Variants in VWA8 observed in about 807,000 individuals in gnomAD.
VWA8 encodes von Willebrand factor A domain-containing protein 8.
In VWA8, 221 loss-of-function variants were observed where a neutral mutation model predicts 241.5. The observed-to-expected ratio is 0.91, with a 90% CI of 0.82 to 1.02. The LOEUF (loss-of-function observed/expected upper bound fraction) is 1.02, where lower values mean the gene tolerates loss of function less well. Ranked by LOEUF, VWA8 falls within the 50% of genes least tolerant of loss-of-function variation. The pLI is 0.00. For missense variants in VWA8, 2,322 were observed against 2,328.7 expected (o/e 1.00, Z 0.06); for synonymous variants, 852 against 827.1 (o/e 1.03, Z -0.52).
chr13:41,936,534 G>C (rs1409103993), intron 2 of VWA8, among the ~76,000 whole-genome samples: 1 of 152,070 alleles, frequency 6.6e-6, no homozygotes, highest in Non-Finnish European at 1.5e-5. Context: ...CTTTAATGGT[G>C]ACTAAATTGC....
At chr13:41,891,616 G>A in intron 4 of VWA8, 29 bp from the exon 5 acceptor site, 2 of 1,611,936 alleles carry the variant, frequency 1.2e-6, no homozygotes, top group East Asian at 2.2e-5. Context: ...AAAGCAAAAT[G>A]AGAATACTGA....
At chr13:41,653,037 T>C (rs2044879185) in intron 37 of VWA8, among the ~76,000 whole-genome samples, 1 of 152,170 alleles carries the variant, frequency 6.6e-6, no homozygotes, top group Admixed American at 6.5e-5. Flanking sequence ...AATGGTTAAA[T>C]GTAACAAGAT....
chr13:41,671,574 A>C (rs1446217260), intron 36 of VWA8, among the ~76,000 whole-genome samples: 1 of 151,722 alleles, frequency 6.6e-6, no homozygotes, highest in East Asian at 1.9e-4. Context: ...CATATGTTGA[A>C]GCCCTAACCC....
At chr13:41,842,027 G>A (rs1872080233) in intron 12 of VWA8, among the ~76,000 whole-genome samples, 1 of 150,974 alleles carries the variant, frequency 6.6e-6, no homozygotes, top group South Asian at 2.1e-4. Flanking sequence ...CATACCAGTA[G>A]TATAAACAAG....
intron 21 of VWA8, among the ~76,000 whole-genome samples, chr13:41,747,293 C>A (rs1253735867): frequency 1.3e-5 from 2 of 152,164 alleles, no homozygotes; most frequent in Non-Finnish European, 2.9e-5. Flanking sequence ...GTTTGTCGTT[C>A]TCCTTGAAGA....
intron 2 of VWA8, among the ~76,000 whole-genome samples, chr13:41,912,696 G>A (rs1443518995): frequency 6.6e-6 from 1 of 152,120 alleles, no homozygotes; most frequent in Non-Finnish European, 1.5e-5. Context: ...TAAGATCATG[G>A]TTAGAAAATT....
intron 37 of VWA8, among the ~76,000 whole-genome samples, chr13:41,618,219 T>A (rs1478546381): frequency 6.6e-6 from 1 of 152,256 alleles, no homozygotes; most frequent in Admixed American, 6.5e-5. Flanking sequence ...TGCATTTCTC[T>A]GATGATCAGT....
intron 9 of VWA8, among the ~76,000 whole-genome samples, chr13:41,878,651 C>T (rs1874017141): frequency 6.6e-6 from 1 of 152,074 alleles, no homozygotes; most frequent in African/African-American, 2.4e-5. Flanking sequence ...TTATCTAATA[C>T]CAATCCCTTT....
At chr13:41,655,738 C>T (rs574222088) in intron 37 of VWA8, among the ~76,000 whole-genome samples, 1 of 152,146 alleles carries the variant, frequency 6.6e-6, no homozygotes, top group Non-Finnish European at 1.5e-5. Flanking sequence ...GTTGAAGAAT[C>T]AAGACCTGTC....
intron 37 of VWA8, among the ~76,000 whole-genome samples, chr13:41,618,139 G>C (rs1276327799): frequency 6.6e-6 from 1 of 152,142 alleles, no homozygotes; most frequent in East Asian, 1.9e-4. Flanking sequence ...TCCAGCACCT[G>C]TTGTTTCCTG....
intron 12 of VWA8, among the ~76,000 whole-genome samples, chr13:41,834,270 A>G (rs1871618454): frequency 6.6e-6 from 1 of 152,200 alleles, no homozygotes; most frequent in South Asian, 2.1e-4. Context: ...TAATATGAAC[A>G]ATTTTTTCTT....
chr13:41,732,293 C>T (rs1438310231), intron 21 of VWA8, 138 bp from the exon 22 acceptor site: 8 of 631,322 alleles, frequency 1.3e-5, no homozygotes, highest in Non-Finnish European at 2.1e-5. Flanking sequence ...CAAAAAAAAA[C>T]AGCAAGTGAA....
In VWA8 at chr13:41,912,103, C is replaced by A. The variant is rs750745493; in HGVS notation, c.307G>T (p.Gly103Trp). The change falls in exon 3 of 45, where the codon GGG (glycine) becomes TGG (tryptophan). Residue 103 changes from glycine (G) to tryptophan (W), a missense_variant. Physicochemically the swap from Gly to Trp is radical, Grantham distance 184. Transcript: ENST00000379310. ...GGTCCTATTAGAAAAACATCTTGCC[C>A]CAAAAGATCCTTCTGCATTATCCAT... is the stretch of plus-strand genomic sequence containing the variant. ...LRWIMQKDLL[G>W]QDVFLIGPPG... 1 of 1,609,688 alleles carries A rather than the reference C, an allele frequency of 6.2e-7. No individual in the cohort carries two copies. Among genetic ancestry groups the A allele is most frequent in the Non-Finnish European group, 8.5e-7 (1 of 1,177,336 alleles).
intron 12 of VWA8, among the ~76,000 whole-genome samples, chr13:41,855,382 ATATT>A (rs1458522606): frequency 6.9e-6 from 1 of 145,754 alleles, no homozygotes; most frequent in Non-Finnish European, 1.5e-5. Flanking sequence ...TATATAAAAT[ATATT>A]TATATATAAA....
intron 12 of VWA8, among the ~76,000 whole-genome samples, chr13:41,835,116 A>G (rs1871660686): frequency 6.6e-6 from 1 of 152,186 alleles, no homozygotes; most frequent in African/African-American, 2.4e-5. Context: ...AGCATCAGGA[A>G]GAACAGCTAA....
chr13:41,760,949 T>A (rs2045734618), intron 21 of VWA8, among the ~76,000 whole-genome samples, 179 bp downstream of exon 21: 1 of 152,046 alleles, frequency 6.6e-6, no homozygotes. Flanking sequence ...TTAGCCACTT[T>A]AAAAATAAAT....
intron 26 of VWA8, among the ~76,000 whole-genome samples, chr13:41,717,550 T>C (rs1450278616): frequency 6.6e-6 from 1 of 151,956 alleles, no homozygotes. Context: ...GTTCACTTTG[T>C]CATCCTACTC....
chr13:41,623,930 T>C (rs2044673106), intron 37 of VWA8, among the ~76,000 whole-genome samples: 1 of 152,024 alleles, frequency 6.6e-6, no homozygotes, highest in South Asian at 2.1e-4. Flanking sequence ...CTAGCTAGAT[T>C]AATAAAGAAA....
At chr13:41,601,492 AG>A (rs1164677603) in intron 40 of VWA8, among the ~76,000 whole-genome samples, 7 of 152,194 alleles carry the variant, frequency 4.6e-5, no homozygotes, top group South Asian at 4.1e-4. Flanking sequence ...AGGTTAATTT[AG>A]TTTAGCCTGA....
Sources: allele counts gnomAD v4.1 joint callset (sites outside exome capture counted in the v4.1 genomes callset), GRCh38; gene constraint gnomAD v4.1.1; transcripts MANE v1.5; gene names NCBI Gene and HGNC (gene_info 2026-07-23, HGNC 2026-07-21).